The following ACOT12 variants were observed in gnomAD, a reference collection of about 807,000 sequenced individuals.
The protein encoded by ACOT12 is acetyl-coenzyme A thioesterase.
In ACOT12, 51 loss-of-function variants were observed where a neutral mutation model predicts 67.7. The observed-to-expected ratio is 0.75, with a 90% CI of 0.60 to 0.95. The LOEUF (loss-of-function observed/expected upper bound fraction) is 0.95. Among genes scored for constraint, ACOT12 ranks in the 40% least tolerant of loss-of-function variants. The pLI is 0.00. For synonymous variants in ACOT12, 251 were observed against 244.6 expected, an observed-to-expected ratio of 1.03 and a Z score of -0.24; for missense variants, 734 against 708.1, an observed-to-expected ratio of 1.04 and a Z score of -0.41.
the ACOT12 span, among the ~76,000 whole-genome samples, chr5:81,314,363 A>G: frequency 6.6e-6 from 1 of 152,284 alleles, no homozygotes; most frequent in South Asian, 2.1e-4. Context: ...TCGGCCTCCC[A>G]AAGTGCTGGG....
intron 13 of ACOT12, among the ~76,000 whole-genome samples, chr5:81,331,367 A>G (rs1758820738): frequency 6.6e-6 from 1 of 152,152 alleles, no homozygotes; most frequent in Non-Finnish European, 1.5e-5. Flanking sequence ...GAGAAACTCC[A>G]TCTCTACTAA....
At chr5:81,327,207 T>C (rs963752280), downstream of ACOT12, among the ~76,000 whole-genome samples, 4 of 144,996 alleles carry the variant, frequency 2.8e-5, no homozygotes, top group Middle Eastern at 3.6e-3. Flanking sequence ...ATAATATATA[T>C]ACACACACAC....
At chr5:81,327,503 C>T (rs1229496891), downstream of ACOT12, among the ~76,000 whole-genome samples, 2 of 152,138 alleles carry the variant, frequency 1.3e-5, no homozygotes, top group Non-Finnish European at 2.9e-5. Flanking sequence ...TGCAGTGGCA[C>T]GATCTCTGCA....
chr5:81,387,588 A>C (rs1760763479), intron 1 of ACOT12, among the ~76,000 whole-genome samples: 1 of 145,782 alleles, frequency 6.9e-6, no homozygotes, highest in African/African-American at 2.6e-5. Context: ...GCTGGAGTGC[A>C]GTGGCACGAG....
chr5:81,381,067 C>T (rs11950107), intron 2 of ACOT12, among the ~76,000 whole-genome samples: 91,567 of 150,272 alleles, frequency 0.61, 29,548 homozygotes, highest in African/African-American at 0.83. Flanking sequence ...AGTATTAAAA[C>T]CTTTTTTTTT....
At chr5:81,355,286 G>T (rs1561334798) in intron 5 of ACOT12, among the ~76,000 whole-genome samples, 1 of 152,126 alleles carries the variant, frequency 6.6e-6, no homozygotes, top group Admixed American at 6.5e-5. Flanking sequence ...CCATTTTACA[G>T]TTCTCGTTTT....
chr5:81,332,863 G>A (rs565037003), intron 12 of ACOT12, among the ~76,000 whole-genome samples: 4 of 151,946 alleles, frequency 2.6e-5, no homozygotes, highest in African/African-American at 9.7e-5. Context: ...CAGGAGTTCA[G>A]GACTAACCTG....
Position 81,363,891 on chromosome 5 carries a change from T to G in ACOT12, c.259-2A>C, listed in dbSNP as rs773750333. 5.8e-6 allele frequency: 9 copies of G among 1,558,066 alleles called. No homozygotes were observed. Among genetic ancestry groups the G allele is most frequent in the Non-Finnish European group, 6.1e-6 (7 of 1,152,810 alleles). The stretch of plus-strand genomic sequence containing the variant: ...CTGTACCATGACCTTGATACTGATC[T>G]AAAATGAAAAAAAGATAAATAAATA... On this transcript the variant is annotated splice_acceptor_variant, in intron 3 of 14. Coordinates refer to ENST00000307624, the MANE Select transcript of ACOT12 (RefSeq NM_130767.3). LOFTEE classifies it high-confidence loss of function.
intron 5 of ACOT12, among the ~76,000 whole-genome samples, chr5:81,350,156 C>G (rs1287513643): frequency 6.6e-6 from 1 of 152,152 alleles, no homozygotes. Flanking sequence ...TGTTTCCTAA[C>G]CTCCCTTACA....
chr5:81,338,517 T>C (rs1200501166), intron 11 of ACOT12, among the ~76,000 whole-genome samples: 1 of 152,170 alleles, frequency 6.6e-6, no homozygotes. Flanking sequence ...TCCTGAGGCC[T>C]CCCCAGCCAT....
In ACOT12 at chr5:81,335,830, T is replaced by G. The variant is rs1380963697; in HGVS notation, c.1200A>C (p.Ala400=). The change falls in exon 12 of 15, where the codon GCA becomes GCC. Residue 400 remains alanine, a synonymous_variant. Coordinates refer to ENST00000307624, the MANE Select transcript of ACOT12 (RefSeq NM_130767.3). The part of the protein sequence containing the change: ...VWVEKHVGSP[A]HLAYRLLSDF... ...CAGACAAGAGACGATAAGCCAAATG[T>G]GCTGGACTTCCCACGTGCTTTTCAA... 6.2e-7 allele frequency: 1 copy of G among 1,614,166 alleles called. No homozygotes were observed.
rs968428623 is a variant in ACOT12 at position 81,344,099 on chromosome 5, C to G, written c.980+61G>C. The stretch of plus-strand genomic sequence containing the variant: ...GGGAATAGAGACCCAGAGGGGGGCT[C>G]TTATATAATTTGTCAGATTAACGAA... On this transcript the variant is annotated intron_variant, in intron 9 of 14. Coordinates refer to ENST00000307624, the MANE Select transcript of ACOT12 (RefSeq NM_130767.3). The G allele has an allele frequency of 1.7e-5, 27 of 1,548,790 alleles. No homozygotes were observed. The Middle Eastern group carries it at 5.1e-4, about 29-fold the overall frequency.
At chr5:81,364,019 T>A in intron 3 of ACOT12, 130 bp from the exon 4 acceptor site, 1 of 479,388 alleles carries the variant, frequency 2.1e-6, no homozygotes, top group Non-Finnish European at 3.4e-6. Flanking sequence ...AATTTATTTT[T>A]AAGCAATAGA....
intron 5 of ACOT12, 25 bp from the exon 6 acceptor site, chr5:81,347,955 T>C (rs1314240741): frequency 6.2e-7 from 1 of 1,608,792 alleles, no homozygotes; most frequent in East Asian, 2.2e-5. Context: ...TAAACATTAA[T>C]GATGGTGGAG....
chr5:81,372,693 A>G (rs1580581410), intron 2 of ACOT12, among the ~76,000 whole-genome samples: 1 of 152,170 alleles, frequency 6.6e-6, no homozygotes. Context: ...AACCTATTCT[A>G]TCTCAAGTTG....
intron 5 of ACOT12, among the ~76,000 whole-genome samples, chr5:81,355,329 A>G (rs1759679962): frequency 6.6e-6 from 1 of 152,174 alleles, no homozygotes; most frequent in Admixed American, 6.5e-5. Context: ...GCAAGCTGAG[A>G]AAAGCAAAGT....
At chr5:81,323,160 A>G in the ACOT12 span, among the ~76,000 whole-genome samples, 2 of 152,096 alleles carry the variant, frequency 1.3e-5, no homozygotes, top group South Asian at 2.1e-4. Context: ...AAAAGATCAT[A>G]TAGTTAACAA....
downstream of ACOT12, among the ~76,000 whole-genome samples, chr5:81,326,130 T>TC (rs1490765359): frequency 7.0e-6 from 1 of 143,852 alleles, no homozygotes; most frequent in Non-Finnish European, 1.5e-5. Flanking sequence ...TTTTTTTTTT[T>TC]TTTTTTTTTT....
intron 5 of ACOT12, among the ~76,000 whole-genome samples, chr5:81,353,744 C>T (rs914289724): frequency 2.0e-5 from 3 of 152,070 alleles, no homozygotes; most frequent in Non-Finnish European, 4.4e-5. Context: ...TCTTTTCTTC[C>T]GAAAGGATAT....
Sources: allele counts gnomAD v4.1 joint callset (sites outside exome capture counted in the v4.1 genomes callset), GRCh38; gene constraint gnomAD v4.1.1; transcripts MANE v1.5; gene names NCBI Gene and HGNC (gene_info 2026-07-23, HGNC 2026-07-21).